The following TIMP2 variants were observed in gnomAD, a reference collection of about 807,000 sequenced individuals.
The protein encoded by TIMP2 is TIMP metallopeptidase inhibitor 2, also known as metalloproteinase inhibitor 2.
A neutral mutation model predicts 24.3 loss-of-function variants in TIMP2; 5 were observed. The ratio of observed to expected loss-of-function variants is 0.21; its 90% confidence interval spans 0.11 to 0.43. The LOEUF is 0.43. Ranked by LOEUF, TIMP2 falls within the 20% of genes least tolerant of loss-of-function variation. TIMP2 has a pLI of 1.00. For missense variants in TIMP2, 221 were observed against 297.5 expected (o/e 0.74, Z 1.89); for synonymous variants, 130 against 123.2 (o/e 1.06, Z -0.37).
intron 1 of TIMP2, among the ~76,000 whole-genome samples, chr17:78,911,730 C>T (rs1351435523): frequency 6.6e-6 from 1 of 152,018 alleles, no homozygotes; most frequent in Non-Finnish European, 1.5e-5. Context: ...CCCACCTGGC[C>T]TCCATTTGAC....
At position 78,857,750 on chromosome 17, in the gene TIMP2, C is replaced by T. The variant is rs2069536408; in HGVS notation, c.341-104G>A. 42 of 1,464,260 alleles carry T rather than the reference C, an allele frequency of 2.9e-5. 1 individual carries two copies. The highest frequency in any genetic ancestry group is 2.2e-4 in the South Asian group (18 of 80,208). The allele number at this position is 1,464,260 out of a possible 1,614,324, so 90.7% of individuals were successfully genotyped here. On this transcript the variant is annotated intron_variant, in intron 3 of 4. Transcript: ENST00000262768. ...GGCGCTGGGATTTCGTTGCAACAAT[C>T]CTGTGCACTGTCTATTCTGAGTTAA...
chr17:78,857,999 G>C lies in TIMP2; in HGVS notation c.341-353C>G, dbSNP rs575305413. Among the ~76,000 whole-genome samples the C allele has an allele frequency of 6.6e-5, 10 of 152,266 alleles. No homozygotes were observed. The South Asian group carries it at 2.1e-3, about 32-fold the overall frequency. ...GCAGGAGAATCGCTCTTGCACCCCA[G>C]AGGCGGAAGTTGCAGTGAGCCGAGA... is the stretch of plus-strand genomic sequence containing the variant. On this transcript the variant is annotated intron_variant, in intron 3 of 4. Coordinates refer to ENST00000262768, the MANE Select transcript of TIMP2 (RefSeq NM_003255.5).
intron 1 of TIMP2, among the ~76,000 whole-genome samples, chr17:78,916,313 C>A (rs185135460): frequency 5.5e-4 from 84 of 152,308 alleles, no homozygotes; most frequent in African/African-American, 1.9e-3. Flanking sequence ...CAGTTCCCCT[C>A]GCTACTGCTG....
chr17:78,876,041 C>T (rs1218753904), intron 1 of TIMP2, among the ~76,000 whole-genome samples: 2 of 152,202 alleles, frequency 1.3e-5, no homozygotes, highest in Non-Finnish European at 1.5e-5. Context: ...AAATGTCTCC[C>T]GGCAGGCCAC....
intron 1 of TIMP2, among the ~76,000 whole-genome samples, chr17:78,878,904 A>G (rs2069753803): frequency 6.6e-6 from 1 of 152,184 alleles, no homozygotes; most frequent in Non-Finnish European, 1.5e-5. Context: ...AAATTACATG[A>G]AAGAAGGAAA....
intron 1 of TIMP2, among the ~76,000 whole-genome samples, chr17:78,874,939 C>T (rs2069716868): frequency 6.6e-6 from 1 of 152,154 alleles, no homozygotes; most frequent in South Asian, 2.1e-4. Flanking sequence ...AAGCGTTTCG[C>T]CATGTTGGCC....
chr17:78,866,229 G>A (rs916597609), intron 3 of TIMP2, among the ~76,000 whole-genome samples: 2 of 152,188 alleles, frequency 1.3e-5, no homozygotes, highest in African/African-American at 2.4e-5. Context: ...AGCAGCCCCC[G>A]AATGCCACAC....
In TIMP2 at chr17:78,876,235, C is replaced by T. The variant is rs1242856986; in HGVS notation, c.131-2316G>A. On this transcript the variant is annotated intron_variant, in intron 1 of 4. Transcript: ENST00000262768. ...TTTGCAACCTGAAGTCAGCCAGGGG[C>T]CTCAGCTGCTGTGCCCAACACCCCC... is the stretch of plus-strand genomic sequence containing the variant. Among the ~76,000 whole-genome samples the T allele has an allele frequency of 3.9e-5, 6 of 152,194 alleles. No individual in the cohort carries two copies. In the East Asian group the frequency reaches 9.6e-4, roughly 24 times the overall value.
chr17:78,872,986 G>A (rs1292495587), intron 2 of TIMP2, among the ~76,000 whole-genome samples: 1 of 151,904 alleles, frequency 6.6e-6, no homozygotes, highest in Non-Finnish European at 1.5e-5. Context: ...TCGCCACCAC[G>A]CCCAGCTAAT....
intron 1 of TIMP2, among the ~76,000 whole-genome samples, chr17:78,885,389 C>T (rs943866103): frequency 1.3e-5 from 2 of 152,214 alleles, no homozygotes; most frequent in African/African-American, 4.8e-5. Context: ...AAGGTGAACA[C>T]GGCCACCACA....
At chr17:78,865,791 C>T (rs1244761487) in intron 3 of TIMP2, among the ~76,000 whole-genome samples, 3 of 152,132 alleles carry the variant, frequency 2.0e-5, no homozygotes, top group Non-Finnish European at 4.4e-5. Context: ...GACTCCATCT[C>T]GAACAAAAAC....
intron 1 of TIMP2, among the ~76,000 whole-genome samples, chr17:78,906,278 G>A (rs2070157891): frequency 6.6e-6 from 1 of 152,192 alleles, no homozygotes; most frequent in Admixed American, 6.5e-5. Context: ...TGAGGCAGGA[G>A]GATGGCTTAA....
intron 1 of TIMP2, among the ~76,000 whole-genome samples, chr17:78,910,194 C>CT (rs941956227): frequency 0.033 from 4,695 of 142,682 alleles, 234 homozygotes; most frequent in African/African-American, 0.11. Context: ...ATTTCTTTTT[C>CT]TTTTTTTTTT....
chr17:78,894,456 G>A (rs74002615), intron 1 of TIMP2, among the ~76,000 whole-genome samples: 3,818 of 152,158 alleles, frequency 0.025, 141 homozygotes, highest in African/African-American at 0.087. Context: ...CAACCACCAT[G>A]ATGATCAAGA....
intron 1 of TIMP2, among the ~76,000 whole-genome samples, chr17:78,888,093 A>G (rs1386382045): frequency 2.6e-5 from 4 of 152,178 alleles, no homozygotes; most frequent in Non-Finnish European, 5.9e-5. Flanking sequence ...TTTAGCATAC[A>G]TATATGGATA....
At chr17:78,862,781 T>C (rs2069578258) in intron 3 of TIMP2, among the ~76,000 whole-genome samples, 1 of 152,270 alleles carries the variant, frequency 6.6e-6, no homozygotes, top group Admixed American at 6.5e-5. Flanking sequence ...ACCCAATGTT[T>C]AGCTCCCACT....
Position 78,873,815 on chromosome 17 carries a change from T to C in TIMP2, c.231+4A>G. On this transcript the variant is annotated splice_donor_region_variant and intron_variant, in intron 2 of 4. Coordinates refer to ENST00000262768, the MANE Select transcript of TIMP2 (RefSeq NM_003255.5). ...CAGCCCGGGATGCCGGCAGCCACTA[T>C]TACCTTTATCTGCTTGATCTCATAC... is the stretch of plus-strand genomic sequence containing the variant. 1.2e-6 allele frequency: 2 copies of C among 1,611,710 alleles called. No individual in the cohort carries two copies. Among genetic ancestry groups the C allele is most frequent in the Non-Finnish European group, 1.7e-6 (2 of 1,179,474 alleles).
At position 78,853,824 on chromosome 17, in the gene TIMP2, TATG is replaced by T. The variant is rs1426240115; in HGVS notation, c.*1840_*1842del. On this transcript the variant is annotated 3_prime_UTR_variant, in exon 5 of 5. Coordinates refer to ENST00000262768, the MANE Select transcript of TIMP2 (RefSeq NM_003255.5). Reference sequence around the variant, plus strand: ...AGCAGAAACAGGAGTAAATGTTACATATGATATCACCATACAGGAAGCGAACAG... The same window carrying T: ...AGCAGAAACAGGAGTAAATGTTACATATATCACCATACAGGAAGCGAACAG... The T allele has an allele frequency of 2.0e-5, 3 of 152,634 alleles. No homozygotes were observed. The highest frequency in any genetic ancestry group is 4.4e-5 in the Non-Finnish European group (3 of 68,058). The allele number at this position is 152,634 out of a possible 1,614,324, so 9.5% of individuals were successfully genotyped here.
intron 3 of TIMP2, among the ~76,000 whole-genome samples, chr17:78,869,931 C>G (rs1041419018): frequency 4.6e-5 from 7 of 152,290 alleles, no homozygotes; most frequent in Admixed American, 1.3e-4. Flanking sequence ...AGGGTTCCAC[C>G]CATGTGAGGC....
Sources: allele counts gnomAD v4.1 joint callset (sites outside exome capture counted in the v4.1 genomes callset), GRCh38; gene constraint gnomAD v4.1.1; transcripts MANE v1.5; gene names NCBI Gene and HGNC (gene_info 2026-07-23, HGNC 2026-07-21).